TRIP11: variants seen among roughly 807,000 people sequenced by gnomAD.
TRIP11 encodes the protein thyroid hormone receptor interactor 11.
TRIP11 carries 148 observed loss-of-function variants against 223.1 expected under a neutral mutation model. The observed-to-expected ratio is 0.66, with a 90% CI of 0.58 to 0.76. The LOEUF (loss-of-function observed/expected upper bound fraction) is 0.76. TRIP11 is among the 30% of genes least tolerant of loss of function. The pLI is 0.00. For synonymous variants in TRIP11, 762 were observed against 772.6 expected (o/e 0.99, Z 0.23); for missense variants, 2,043 against 2,222.0 (o/e 0.92, Z 1.62).
At chr14:91,979,083 CCT>C (rs142717580) in intron 16 of TRIP11, among the ~76,000 whole-genome samples, 2,011 of 152,020 alleles carry the variant, frequency 0.013, 29 homozygotes, top group African/African-American at 0.045. Flanking sequence ...ATAGCAGAAC[CCT>C]GTCTCTACAA....
chr14:91,975,291 G>C lies in TRIP11; in HGVS notation c.5343-5C>G. The stretch of plus-strand genomic sequence containing the variant: ...AAGAGGTTTCTCATTAGGACTCTAT[G>C]AAAATAAAGGCAGAAACAGCTCAAG... On this transcript the variant is annotated splice_region_variant and splice_polypyrimidine_tract_variant and intron_variant, in intron 17 of 20. Coordinates refer to ENST00000267622, the MANE Select transcript of TRIP11 (RefSeq NM_004239.4). 1 of 1,608,692 alleles carries C rather than the reference G, an allele frequency of 6.2e-7. No homozygotes were observed. Among genetic ancestry groups the C allele is most frequent in the Non-Finnish European group, 8.5e-7 (1 of 1,175,654 alleles).
intron 15 of TRIP11, among the ~76,000 whole-genome samples, chr14:91,990,179 G>A (rs1039879981): frequency 5.5e-5 from 6 of 109,000 alleles, no homozygotes; most frequent in Non-Finnish European, 9.5e-5. Flanking sequence ...TATATAGAGG[G>A]AATGAAATTG....
chr14:91,975,716 A>G (rs2056455692), intron 17 of TRIP11, among the ~76,000 whole-genome samples: 1 of 152,142 alleles, frequency 6.6e-6, no homozygotes, highest in African/African-American at 2.4e-5. Flanking sequence ...TTTAAAAAAT[A>G]TTAAATGAGC....
At position 92,004,499 on chromosome 14, in the gene TRIP11, A is replaced by G. The variant is rs2056871683; in HGVS notation, c.3477T>C (p.Ile1159=). The G allele has an allele frequency of 1.2e-6, 2 of 1,613,394 alleles. No individual in the cohort carries two copies. The highest frequency in any genetic ancestry group is 1.7e-6 in the Non-Finnish European group (2 of 1,180,022). Residue 1159 remains isoleucine (I), a synonymous_variant, in exon 11 of 21, where the codon ATT becomes ATC. Coordinates refer to ENST00000267622, the MANE Select transcript of TRIP11 (RefSeq NM_004239.4). The part of the protein sequence containing the change: ...SSGQDMFRET[I]QNLSRIIREK... ...CTCGAATGATACGTGATAAATTCTG[A>G]ATAGTTTCTCTAAACATATCTTGGC...
Position 91,967,439 on chromosome 14 carries a change from A to T in TRIP11, c.*2234T>A, listed in dbSNP as rs1393140014. On this transcript the variant is annotated 3_prime_UTR_variant, in exon 21 of 21. Coordinates refer to ENST00000267622, the MANE Select transcript of TRIP11 (RefSeq NM_004239.4). ...CAGGCGTGAGCCACTGTGCCCGGCC[A>T]GTATTATAGCTTTAGGACAAGGTCA... The T allele has an allele frequency of 5.4e-6, 1 of 185,146 alleles. No individual in the cohort carries two copies. Among genetic ancestry groups the T allele is most frequent in the Admixed American group, 6.2e-5 (1 of 16,070 alleles). 11.5% of individuals were successfully genotyped at this position (185,146 alleles called of 1,614,324 possible). A position where few individuals can be genotyped will look rare whatever the true frequency, so the allele number is the denominator to read the frequency against.
intron 2 of TRIP11, among the ~76,000 whole-genome samples, chr14:92,027,172 T>C (rs1379039916): frequency 1.3e-5 from 2 of 151,972 alleles, no homozygotes; most frequent in Non-Finnish European, 2.9e-5. Context: ...TTTATATTTT[T>C]GTACATATTG....
rs547805058 is a variant in TRIP11 at position 91,967,135 on chromosome 14, C to CT, written c.*2537dup. On this transcript the variant is annotated 3_prime_UTR_variant, in exon 21 of 21. Transcript: ENST00000267622. The stretch of plus-strand genomic sequence containing the variant: ...ACAATGAAAACATTAGGTACTATAG[C>CT]TTTTTTTTTTTTTTTTTTTTTTTTG... The CT allele has an allele frequency of 0.029, 2,518 of 85,502 alleles. 162 individuals are homozygous for CT. The highest frequency in any genetic ancestry group is 0.044 in the African/African-American group (725 of 16,408). The allele number at this position is 85,502 out of a possible 1,614,324, so 5.3% of individuals were successfully genotyped here.
chr14:92,025,499 C>A, intron 2 of TRIP11, 79 bp from the exon 3 acceptor site: 3 of 957,018 alleles, frequency 3.1e-6, no homozygotes, highest in Non-Finnish European at 4.8e-6. Context: ...TTATGAAAAA[C>A]GTACTGCTTT....
intron 3 of TRIP11, among the ~76,000 whole-genome samples, chr14:92,023,196 GT>G (rs2057136488): frequency 6.6e-6 from 1 of 152,144 alleles, no homozygotes; most frequent in African/African-American, 2.4e-5. Context: ...CCCCACCAGT[GT>G]TTTCAACTGT....
In TRIP11 at chr14:92,005,381, C is replaced by T. The variant is rs751594257; in HGVS notation, c.2595G>A (p.Leu865=). ...CCCTGAGTCGTTCCAATTCTTCTTG[C>T]AGATGATTATTTTCCTCTTTCATGG... ...LGSMKEENNH[L]QEELERLREE... is the part of the protein sequence containing the mutation. Residue 865 remains leucine, a synonymous_variant, in exon 11 of 21, where the codon CTG becomes CTA. Transcript: ENST00000267622. 16 of 1,614,038 alleles carry T rather than the reference C, an allele frequency of 9.9e-6. No individual in the cohort carries two copies. In the South Asian group the frequency reaches 1.6e-4, roughly 17 times the overall value.
chr14:91,974,572 G>A (rs1194844174), intron 19 of TRIP11, 55 bp downstream of exon 19: 9 of 1,321,150 alleles, frequency 6.8e-6, no homozygotes, highest in Non-Finnish European at 8.7e-6. Flanking sequence ...GCAAATGAAT[G>A]TAATATACAG....
intron 1 of TRIP11, 99 bp downstream of exon 1, chr14:92,039,448 T>C: frequency 1.5e-6 from 2 of 1,344,042 alleles, no homozygotes; most frequent in South Asian, 2.5e-5. Flanking sequence ...CAGCATTCCT[T>C]TGCGACCTGT....
rs2057362801 is a variant in TRIP11, at chr14:92,039,666, C to T, written c.20G>A (p.Gly7Asp). MSSWLG[G>D]LGSGLGQSLG... ...AGACTGGCCCAATCCGGAGCCGAGG[C>T]CCCCAAGCCAGGACGACATCGCGGC... The change falls in exon 1 of 21, where the codon GGC becomes GAC. Residue 7 changes from glycine (G) to aspartate (D), a missense_variant. By Grantham distance (94) the Gly-to-Asp change is moderately conservative. Transcript: ENST00000267622. 4 of 1,612,472 alleles carry T rather than the reference C, an allele frequency of 2.5e-6. No homozygotes were observed. Among genetic ancestry groups the T allele is most frequent in the Non-Finnish European group, 3.4e-6 (4 of 1,179,360 alleles).
At chr14:91,995,541 A>T (rs1465629995) in intron 13 of TRIP11, 26 bp from the exon 14 acceptor site, 2 of 1,613,318 alleles carry the variant, frequency 1.2e-6, no homozygotes, top group Non-Finnish European at 1.7e-6. Flanking sequence ...ATAAAAGTCA[A>T]ACTGCTTCAT....
At chr14:91,981,012 ATTTTTT>A (rs564098716) in intron 16 of TRIP11, among the ~76,000 whole-genome samples, 95 of 49,904 alleles carry the variant, frequency 1.9e-3, no homozygotes, top group Admixed American at 5.9e-3. Flanking sequence ...ATATATATAT[ATTTTTT>A]TTTTTTTTTT....
At chr14:91,981,679 C>T (rs1672572044) in intron 16 of TRIP11, among the ~76,000 whole-genome samples, 2 of 152,266 alleles carry the variant, frequency 1.3e-5, no homozygotes. Context: ...AGGCATGGGC[C>T]ACCGTGCCCA....
rs201383677 is a variant in TRIP11, at chr14:92,000,218, C to A, written c.4558-110G>T. The stretch of plus-strand genomic sequence containing the variant: ...TTCATTTAATTTTTAAATAGGGCAG[C>A]CTCCCGATTTACTCTCTGAGTAGGC... On this transcript the variant is annotated intron_variant, in intron 11 of 20. Transcript: ENST00000267622. 3.8e-5 allele frequency: 57 copies of A among 1,504,944 alleles called. No homozygotes were observed. In the East Asian group the frequency reaches 1.3e-3, roughly 35 times the overall value. The allele number at this position is 1,504,944 out of a possible 1,614,324, so 93.2% of individuals were successfully genotyped here.
At position 92,011,384 on chromosome 14, in the gene TRIP11, G is replaced by A. The variant is rs112401053; in HGVS notation, c.1228-312C>T. On this transcript the variant is annotated intron_variant, in intron 8 of 20. Coordinates refer to ENST00000267622, the MANE Select transcript of TRIP11 (RefSeq NM_004239.4). Reference sequence around the variant, plus strand: ...CACGCTCCTATCATCCCAGCTACTCGGGAGGCTGAGGCAGGAGAATCGCTT... The same window carrying A: ...CACGCTCCTATCATCCCAGCTACTCAGGAGGCTGAGGCAGGAGAATCGCTT... 4.9e-3 allele frequency among the ~76,000 whole-genome samples: 735 copies of A among 150,984 alleles called. 6 individuals are homozygous for A. Among genetic ancestry groups the A allele is most frequent in the East Asian group, 0.016 (83 of 5,122 alleles).
chr14:92,010,050 T>C (rs2056952050), intron 9 of TRIP11, among the ~76,000 whole-genome samples: 2 of 152,240 alleles, frequency 1.3e-5, no homozygotes, highest in Non-Finnish European at 2.9e-5. Flanking sequence ...TTTAACTTAA[T>C]AATACTAGCT....
Sources: allele counts gnomAD v4.1 joint callset (sites outside exome capture counted in the v4.1 genomes callset), GRCh38; gene constraint gnomAD v4.1.1; transcripts MANE v1.5; gene names NCBI Gene and HGNC (gene_info 2026-07-23, HGNC 2026-07-21).